The following NUP210L variants were observed in gnomAD, a reference collection of about 807,000 sequenced individuals.
The protein encoded by NUP210L is nuclear pore membrane glycoprotein 210-like.
Under a neutral mutation model 208.5 loss-of-function variants are expected in NUP210L, and 74 were observed. That is an observed-to-expected ratio of 0.35 (90% CI 0.29 to 0.43). The LOEUF (loss-of-function observed/expected upper bound fraction) is 0.43. Ranked by LOEUF, NUP210L falls within the 20% of genes least tolerant of loss-of-function variation. The pLI is 1.00. For synonymous variants in NUP210L, 780 were observed against 816.9 expected (o/e 0.95, Z 0.77); for missense variants, 1,843 against 2,289.4 (o/e 0.81, Z 3.98).
chr1:154,108,328 T>C (rs1282927800), intron 12 of NUP210L, among the ~76,000 whole-genome samples: 4 of 152,040 alleles, frequency 2.6e-5, no homozygotes, highest in African/African-American at 9.7e-5. Flanking sequence ...CAGCTAATTT[T>C]TGTATTTTTA....
intron 16 of NUP210L, among the ~76,000 whole-genome samples, chr1:154,088,193 GC>G (rs1348208456): frequency 6.6e-6 from 1 of 151,980 alleles, no homozygotes; most frequent in Non-Finnish European, 1.5e-5. Flanking sequence ...CAAAAAATTA[GC>G]CAGCATGGTG....
At chr1:154,014,957 T>C (rs1651157064) in intron 33 of NUP210L, among the ~76,000 whole-genome samples, 1 of 152,130 alleles carries the variant, frequency 6.6e-6, no homozygotes, top group African/African-American at 2.4e-5. Context: ...TTACCAGAGA[T>C]TGTGCCACTG....
intron 32 of NUP210L, among the ~76,000 whole-genome samples, chr1:154,019,514 C>T (rs1460773724): frequency 6.6e-6 from 1 of 152,186 alleles, no homozygotes. Flanking sequence ...AGAGTTTGTA[C>T]TTAGCCTGCA....
intron 2 of NUP210L, among the ~76,000 whole-genome samples, chr1:154,151,007 G>A (rs1048270591): frequency 6.6e-6 from 1 of 152,072 alleles, no homozygotes; most frequent in Admixed American, 6.6e-5. Context: ...AATTGGGAAA[G>A]TTGATTTAAG....
intron 2 of NUP210L, among the ~76,000 whole-genome samples, chr1:154,148,439 T>C (rs1259641645): frequency 6.6e-6 from 1 of 151,840 alleles, no homozygotes; most frequent in African/African-American, 2.4e-5. Context: ...GCCCAGATAG[T>C]GCCAGTGCAC....
chr1:154,154,991 GAAGAAA>G (rs1240559293), exon 1 of NUP210L: 5 of 1,613,920 alleles, frequency 3.1e-6, no homozygotes, highest in Non-Finnish European at 4.2e-6. Context: ...GTAGACGCAA[GAAGAAA>G]AAGAGCCCGA....
chr1:154,020,276 C>T (rs1370725341), intron 32 of NUP210L, among the ~76,000 whole-genome samples: 2 of 152,262 alleles, frequency 1.3e-5, no homozygotes, highest in African/African-American at 4.8e-5. Flanking sequence ...TGGATGTACA[C>T]ATCCAGGCAG....
At chr1:154,083,988 T>C (rs982777229) in intron 16 of NUP210L, among the ~76,000 whole-genome samples, 2 of 151,482 alleles carry the variant, frequency 1.3e-5, no homozygotes, top group African/African-American at 2.4e-5. Context: ...GAGATGGTGG[T>C]AGTCTCAACA....
At chr1:153,997,844 T>G (rs1649986266) in intron 37 of NUP210L, among the ~76,000 whole-genome samples, 1 of 151,562 alleles carries the variant, frequency 6.6e-6, no homozygotes, top group Admixed American at 6.6e-5. Flanking sequence ...TGCATGACAC[T>G]ACACCTGGCT....
In NUP210L at chr1:154,154,950, C is replaced by T; in HGVS notation, c.95G>A (p.Arg32His). The change falls in exon 1 of 40, where the codon CGT (arginine) becomes CAT (histidine). Residue 32 changes from arginine (R) to histidine (H), a missense_variant. Transcript: ENST00000368559. ...GTTAAGTTTGTTGGCCAGGGTCCCA[C>T]GCAAAACCAGAAACAACAACAGGAG... 1 of 1,614,176 alleles carries T rather than the reference C, an allele frequency of 6.2e-7. No homozygotes were observed.
chr1:154,065,570 A>G (rs1654360902), intron 17 of NUP210L, among the ~76,000 whole-genome samples: 1 of 152,156 alleles, frequency 6.6e-6, no homozygotes. Context: ...GACACGTGAT[A>G]AAATCTAAAA....
At chr1:154,002,012 C>T in intron 35 of NUP210L, 27 bp from the exon 36 acceptor site, 1 of 1,609,604 alleles carries the variant, frequency 6.2e-7, no homozygotes, top group Non-Finnish European at 8.5e-7. Context: ...AAAAACTGAG[C>T]AGGAAGGTTC....
chr1:154,128,581 T>C (rs2494670), intron 8 of NUP210L, among the ~76,000 whole-genome samples: 62,320 of 151,818 alleles, frequency 0.41, 13,555 homozygotes, highest in Non-Finnish European at 0.5. Context: ...CTGGGCATGG[T>C]GGTTCACACC....
intron 4 of NUP210L, among the ~76,000 whole-genome samples, 191 bp downstream of exon 4, chr1:154,141,240 G>A (rs1310138108): frequency 6.6e-6 from 1 of 152,068 alleles, no homozygotes; most frequent in Admixed American, 6.6e-5. Context: ...CAGATTAAGC[G>A]ATCATAAAGG....
chr1:154,138,691 T>A (rs1024688713), intron 5 of NUP210L, among the ~76,000 whole-genome samples: 1 of 152,236 alleles, frequency 6.6e-6, no homozygotes, highest in Non-Finnish European at 1.5e-5. Flanking sequence ...CACACTCATG[T>A]TCTTGCCATT....
chr1:154,009,125 G>T (rs1345655895), intron 35 of NUP210L, among the ~76,000 whole-genome samples: 3 of 151,872 alleles, frequency 2.0e-5, no homozygotes, highest in African/African-American at 7.3e-5. Flanking sequence ...GGCCAGGCTG[G>T]TCTCCGAAGC....
intron 16 of NUP210L, among the ~76,000 whole-genome samples, chr1:154,082,717 G>A (rs756135401): frequency 6.6e-6 from 1 of 152,150 alleles, no homozygotes; most frequent in African/African-American, 2.4e-5. Flanking sequence ...GGTCAGAAAC[G>A]GAGTTTGTTC....
chr1:154,086,300 T>C (rs1655621130), intron 16 of NUP210L, among the ~76,000 whole-genome samples: 2 of 150,970 alleles, frequency 1.3e-5, no homozygotes, highest in South Asian at 2.1e-4. Flanking sequence ...CCTCACACCA[T>C]AAAAATGAAC....
At chr1:154,031,517 T>G in intron 27 of NUP210L, among the ~76,000 whole-genome samples, 1 of 150,060 alleles carries the variant, frequency 6.7e-6, no homozygotes, top group South Asian at 2.1e-4. Context: ...GCATCCCCAC[T>G]TCCCTCCCAC....
Sources: gnomAD v4.1 joint callset for allele counts (sites outside exome capture counted in the v4.1 genomes callset) on GRCh38, gnomAD v4.1.1 for gene constraint, MANE v1.5 for transcripts, NCBI Gene and HGNC (gene_info 2026-07-23, HGNC 2026-07-21) for gene names.